The following TMEM65 variants were observed in gnomAD, a reference collection of about 807,000 sequenced individuals.
TMEM65 encodes transmembrane protein 65.
Under a neutral mutation model 25.4 loss-of-function variants are expected in TMEM65, and 22 were observed. That is an observed-to-expected ratio of 0.86 (90% CI 0.62 to 1.23). The LOEUF (loss-of-function observed/expected upper bound fraction) is 1.23. Ranked by LOEUF, TMEM65 falls within the 50% of genes most tolerant of loss-of-function variation. TMEM65 has a pLI of 0.00. For synonymous variants in TMEM65, 132 were observed against 126.2 expected (o/e 1.05, Z -0.31); for missense variants, 262 against 308.2 (o/e 0.85, Z 1.12).
chr8:124,361,437 C>T (rs538710730), intron 1 of TMEM65, among the ~76,000 whole-genome samples: 184 of 111,396 alleles, frequency 1.7e-3, no homozygotes, highest in African/African-American at 5.0e-3. Context: ...CTCTGTCTCA[C>T]GAAAAAAAAA....
chr8:124,344,937 G>C (rs961088755), intron 1 of TMEM65, among the ~76,000 whole-genome samples: 1 of 152,150 alleles, frequency 6.6e-6, no homozygotes, highest in Admixed American at 6.5e-5. Context: ...GACCAAGCAA[G>C]TCTGTTATGA....
In TMEM65 at chr8:124,311,782, T is replaced by C. The variant is rs1397310334; in HGVS notation, c.*2178A>G. On this transcript the variant is annotated 3_prime_UTR_variant, in exon 7 of 7. Coordinates refer to ENST00000297632, the MANE Select transcript of TMEM65 (RefSeq NM_194291.3). ...ACATATACCTTCAGTTAAAGACAAATGGTCTCCATTTTTTGAAAATTACCT... is the reference window on the plus strand; with the variant it reads ...ACATATACCTTCAGTTAAAGACAAACGGTCTCCATTTTTTGAAAATTACCT... The C allele has an allele frequency of 6.6e-6, 1 of 152,168 alleles. No homozygotes were observed. Among genetic ancestry groups the C allele is most frequent in the African/African-American group, 2.4e-5 (1 of 41,446 alleles). 9.4% of individuals were successfully genotyped at this position (152,168 alleles called of 1,614,324 possible).
chr8:124,370,586 G>A (rs1233202407), intron 1 of TMEM65, among the ~76,000 whole-genome samples: 1 of 152,182 alleles, frequency 6.6e-6, no homozygotes, highest in East Asian at 1.9e-4. Flanking sequence ...GGTAAACAAT[G>A]TCTGGAATCA....
At chr8:124,351,050 G>A (rs1814700480) in intron 1 of TMEM65, 1 of 985,048 alleles carries the variant, frequency 1.0e-6, no homozygotes, top group Non-Finnish European at 1.2e-6. Flanking sequence ...AAGCTATCAG[G>A]GGTCTCTGCT....
intron 1 of TMEM65, among the ~76,000 whole-genome samples, chr8:124,344,779 G>A (rs1814623530): frequency 1.3e-5 from 2 of 152,076 alleles, no homozygotes; most frequent in Non-Finnish European, 2.9e-5. Flanking sequence ...AGTCTCCCTG[G>A]TACACCATAT....
Position 124,354,935 on chromosome 8 carries a change from C to G in TMEM65, c.304+16919G>C, listed in dbSNP as rs568097865. The stretch of plus-strand genomic sequence containing the variant: ...AAAGTTTGTTGTGCCATACTTGAAA[C>G]TCTTCTGTAAATTTAAGACTGTTTC... On this transcript the variant is annotated intron_variant, in intron 1 of 6. Coordinates refer to ENST00000297632, the MANE Select transcript of TMEM65 (RefSeq NM_194291.3). 5.3e-5 allele frequency among the ~76,000 whole-genome samples: 8 copies of G among 152,272 alleles called. No homozygotes were observed. In the East Asian group the frequency reaches 1.2e-3, roughly 22 times the overall value.
At chr8:124,334,623 G>T (rs1331612212) in intron 1 of TMEM65, among the ~76,000 whole-genome samples, 1 of 151,550 alleles carries the variant, frequency 6.6e-6, no homozygotes, top group African/African-American at 2.4e-5. Context: ...AATTAGCCAG[G>T]TATGGTAGGG....
At chr8:124,353,267 G>A (rs1231886955) in intron 1 of TMEM65, among the ~76,000 whole-genome samples, 2 of 152,082 alleles carry the variant, frequency 1.3e-5, no homozygotes, top group Non-Finnish European at 2.9e-5. Context: ...TAGTGGTGAT[G>A]GGATTTTGGT....
chr8:124,331,282 C>T (rs1041425788), intron 1 of TMEM65, among the ~76,000 whole-genome samples: 8 of 146,814 alleles, frequency 5.4e-5, no homozygotes, highest in African/African-American at 1.5e-4. Flanking sequence ...TGTATGAAAA[C>T]AATGACTTCA....
At chr8:124,329,182 A>C (rs1814402887) in intron 2 of TMEM65, among the ~76,000 whole-genome samples, 1 of 152,032 alleles carries the variant, frequency 6.6e-6, no homozygotes, top group Non-Finnish European at 1.5e-5. Flanking sequence ...CATTAATAAA[A>C]TGGGATTTTT....
intron 1 of TMEM65, among the ~76,000 whole-genome samples, chr8:124,338,421 G>GTTT (rs56006237): frequency 6.6e-6 from 1 of 151,148 alleles, no homozygotes; most frequent in Non-Finnish European, 1.5e-5. Context: ...TGTAAGGGTG[G>GTTT]TTTTTTTTTA....
In TMEM65 at chr8:124,309,920, G is replaced by C. The variant is rs1020150287; in HGVS notation, c.*4040C>G. On this transcript the variant is annotated 3_prime_UTR_variant, in exon 7 of 7. Coordinates refer to ENST00000297632, the MANE Select transcript of TMEM65 (RefSeq NM_194291.3). ...ACAAAAAAATTAGGCTCGGTGGCAC[G>C]TGCCTGTAATCCCAGCTACTCAGGA... 9.9e-5 allele frequency: 15 copies of C among 152,112 alleles called. No individual in the cohort carries two copies. The highest frequency in any genetic ancestry group is 3.6e-4 in the African/African-American group (15 of 41,474). The allele number at this position is 152,112 out of a possible 1,614,324, so 9.4% of individuals were successfully genotyped here. A position where few individuals can be genotyped will look rare whatever the true frequency, so the allele number is the denominator to read the frequency against.
chr8:124,352,031 G>C (rs1179134701), intron 1 of TMEM65, among the ~76,000 whole-genome samples: 1 of 152,196 alleles, frequency 6.6e-6, no homozygotes, highest in Non-Finnish European at 1.5e-5. Flanking sequence ...TGCTGTCTCT[G>C]TGTGAACTGA....
In TMEM65 at chr8:124,306,887, T is replaced by G. The variant is rs1317251990; in HGVS notation, c.*7073A>C. 6.6e-6 allele frequency: 1 copy of G among 151,580 alleles called. No homozygotes were observed. The highest frequency in any genetic ancestry group is 1.5e-5 in the Non-Finnish European group (1 of 67,974). 9.4% of individuals were successfully genotyped at this position (151,580 alleles called of 1,614,324 possible). A position where few individuals can be genotyped will look rare whatever the true frequency, so the allele number is the denominator to read the frequency against. ...TCACTTGAACCCAGAAGACAGAGGT[T>G]GCAGTGAGCCGGCATGGTGCCACTG... On this transcript the variant is annotated 3_prime_UTR_variant, in exon 7 of 7. Transcript: ENST00000297632.
Position 124,349,699 on chromosome 8 carries a change from C to G in TMEM65, c.305-18907G>C, listed in dbSNP as rs989399483. Reference sequence around the variant, plus strand: ...TGAGTTCAGGTCTTCATGATCCTTTCAAGAGATGTACCACCTAAACATTCA... The same window carrying G: ...TGAGTTCAGGTCTTCATGATCCTTTGAAGAGATGTACCACCTAAACATTCA... On this transcript the variant is annotated intron_variant, in intron 1 of 6. Transcript: ENST00000297632. Among the ~76,000 whole-genome samples the G allele has an allele frequency of 1.4e-4, 22 of 152,110 alleles. 1 individual carries two copies. The highest frequency in any genetic ancestry group is 5.3e-4 in the African/African-American group (22 of 41,420).
At chr8:124,332,933 G>A (rs903050398) in intron 1 of TMEM65, among the ~76,000 whole-genome samples, 3 of 152,008 alleles carry the variant, frequency 2.0e-5, no homozygotes, top group Admixed American at 6.6e-5. Flanking sequence ...AGCCTCCCGA[G>A]TAGCTGGGAC....
At chr8:124,348,099 C>T (rs956046237) in intron 1 of TMEM65, among the ~76,000 whole-genome samples, 1 of 151,934 alleles carries the variant, frequency 6.6e-6, no homozygotes, top group African/African-American at 2.4e-5. Flanking sequence ...AGGCATGCGC[C>T]GCCATACCTG....
At chr8:124,352,389 T>A (rs1372255091) in intron 1 of TMEM65, among the ~76,000 whole-genome samples, 1 of 151,872 alleles carries the variant, frequency 6.6e-6, no homozygotes, top group East Asian at 1.9e-4. Flanking sequence ...TTTTTCTGCC[T>A]ATACAAATTA....
intron 1 of TMEM65, among the ~76,000 whole-genome samples, chr8:124,361,419 G>C (rs1814858847): frequency 1.5e-5 from 2 of 137,646 alleles, no homozygotes; most frequent in African/African-American, 5.5e-5. Context: ...TAGGCAACAA[G>C]AGCGAAACTC....
Sources: gnomAD v4.1 joint callset for allele counts (sites outside exome capture counted in the v4.1 genomes callset) on GRCh38, gnomAD v4.1.1 for gene constraint, MANE v1.5 for transcripts, NCBI Gene and HGNC (gene_info 2026-07-23, HGNC 2026-07-21) for gene names.